Variants in PDE4D observed in about 807,000 individuals in gnomAD.
PDE4D encodes phosphodiesterase 4D.
A neutral mutation model predicts 87.4 loss-of-function variants in PDE4D; 24 were observed. The ratio of observed to expected loss-of-function variants is 0.27; its 90% CI spans 0.20 to 0.39. The LOEUF is 0.39. Among genes scored for constraint, PDE4D ranks in the 10% least tolerant of loss-of-function variants. The pLI, the probability that PDE4D is intolerant of heterozygous loss-of-function variation, is 1.00. For synonymous variants in PDE4D, 384 were observed against 383.2 expected, an observed-to-expected ratio of 1.00 and a Z score of -0.02; for missense variants, 714 against 1,041.0, an observed-to-expected ratio of 0.69 and a Z score of 4.32.
chr5:59,172,253 TAAATATATATTTATACAATTTATAAG>T (rs1285049262), intron 5 of PDE4D, among the ~76,000 whole-genome samples: 1 of 121,682 alleles, frequency 8.2e-6, no homozygotes, highest in Non-Finnish European at 1.6e-5. Context: ...TAATATATAA[TAAATATATATTTATACAATTTATAAG>T]AAATATATAT....
chr5:59,836,154 A>G (rs1206539766), intron 1 of PDE4D, among the ~76,000 whole-genome samples: 1 of 152,052 alleles, frequency 6.6e-6, no homozygotes, highest in Non-Finnish European at 1.5e-5. Flanking sequence ...GTATGTGTTC[A>G]TCATTGTCAT....
chr5:60,319,180 G>C (rs1051745082), intron 1 of PDE4D, among the ~76,000 whole-genome samples: 2 of 152,054 alleles, frequency 1.3e-5, no homozygotes, highest in African/African-American at 2.4e-5. Context: ...GGCTTTGTTT[G>C]TTTCTGTTTA....
intron 1 of PDE4D, among the ~76,000 whole-genome samples, chr5:59,809,059 T>C (rs1169418919): frequency 6.6e-6 from 1 of 152,168 alleles, no homozygotes; most frequent in African/African-American, 2.4e-5. Flanking sequence ...AATTTAAAAA[T>C]ATAATGTAAT....
intron 1 of PDE4D, among the ~76,000 whole-genome samples, chr5:59,225,834 T>TA (rs1205765094): frequency 1.4e-5 from 2 of 147,720 alleles, no homozygotes; most frequent in South Asian, 2.1e-4. Context: ...CCCTCAAAAT[T>TA]AAAAAAACCC....
chr5:59,212,388 G>A (rs1306143680), intron 2 of PDE4D, among the ~76,000 whole-genome samples: 1 of 152,020 alleles, frequency 6.6e-6, no homozygotes, highest in Non-Finnish European at 1.5e-5. Flanking sequence ...CTGCTCCAAT[G>A]TAAATATCCA....
Position 59,940,512 on chromosome 5 carries a change from G to A in PDE4D, c.272+47976C>T, listed in dbSNP as rs545690108. 3.9e-5 allele frequency among the ~76,000 whole-genome samples: 6 copies of A among 152,238 alleles called. No individual in the cohort carries two copies. In the South Asian group the frequency reaches 1.2e-3, roughly 32 times the overall value. On this transcript the variant is annotated intron_variant, in intron 3 of 16. Coordinates refer to the PDE4D transcript ENST00000502484. ...GGTTTGGTTTTCAATATGATGGGGT[G>A]GGGTGATAAGCAGGGAGCTGTTAGA...
chr5:59,797,260 T>C (rs1395927217), intron 1 of PDE4D: 2 of 152,212 alleles, frequency 1.3e-5, no homozygotes, highest in Non-Finnish European at 2.9e-5. Context: ...TTCTAGAAGT[T>C]AGATCAGCTG....
intron 5 of PDE4D, among the ~76,000 whole-genome samples, chr5:59,058,857 A>T (rs1316405436): frequency 6.6e-6 from 1 of 152,170 alleles, no homozygotes; most frequent in Non-Finnish European, 1.5e-5. Context: ...AAGAATCTCT[A>T]ATAATTACAT....
intron 1 of PDE4D, among the ~76,000 whole-genome samples, chr5:59,333,608 A>T (rs1777123535): frequency 6.6e-6 from 1 of 152,304 alleles, no homozygotes; most frequent in East Asian, 1.9e-4. Flanking sequence ...TCATTATCAG[A>T]GCAATTAAAA....
At chr5:59,855,984 C>T (rs988541730) in intron 1 of PDE4D, among the ~76,000 whole-genome samples, 4 of 152,146 alleles carry the variant, frequency 2.6e-5, no homozygotes, top group South Asian at 2.1e-4. Context: ...CATATTACAG[C>T]TTAGGACTAG....
intron 1 of PDE4D, among the ~76,000 whole-genome samples, chr5:59,266,776 T>C (rs1429682605): frequency 6.6e-6 from 1 of 152,036 alleles, no homozygotes. Context: ...TAGCAGCTTG[T>C]TGACTACTTT....
intron 1 of PDE4D, among the ~76,000 whole-genome samples, chr5:59,566,472 C>T (rs1425043377): frequency 6.6e-6 from 1 of 151,854 alleles, no homozygotes; most frequent in Non-Finnish European, 1.5e-5. Context: ...TAAAAAAACC[C>T]TTCACAGATT....
intron 2 of PDE4D, among the ~76,000 whole-genome samples, chr5:60,043,159 TCAATAGC>T (rs1356099012): frequency 6.6e-6 from 1 of 151,484 alleles, no homozygotes; most frequent in Non-Finnish European, 1.5e-5. Flanking sequence ...TACACAAGTA[TCAATAGC>T]CAAATTGATC....
intron 3 of PDE4D, among the ~76,000 whole-genome samples, chr5:59,955,726 G>A (rs1336493282): frequency 6.6e-6 from 1 of 152,058 alleles, no homozygotes; most frequent in Non-Finnish European, 1.5e-5. Context: ...CCTAAGGCAG[G>A]GTGCTTTTAT....
chr5:59,803,994 T>A (rs1767452318), intron 1 of PDE4D, among the ~76,000 whole-genome samples: 1 of 152,218 alleles, frequency 6.6e-6, no homozygotes, highest in Admixed American at 6.5e-5. Context: ...GGAATGACCA[T>A]GTCCCACTTT....
At chr5:60,030,476 A>C (rs2152859319) in intron 2 of PDE4D, among the ~76,000 whole-genome samples, 1 of 152,274 alleles carries the variant, frequency 6.6e-6, no homozygotes, top group Middle Eastern at 3.4e-3. Context: ...AAAAACAAAA[A>C]ACAAAAACAA....
chr5:59,860,429 A>AT (rs1746091600), intron 1 of PDE4D, among the ~76,000 whole-genome samples: 1 of 151,814 alleles, frequency 6.6e-6, no homozygotes, highest in Non-Finnish European at 1.5e-5. Flanking sequence ...CCACTAAGTG[A>AT]TTTTTTTCTA....
rs764578237 is a variant in PDE4D, at chr5:59,893,444, G to A, written c.179C>T (p.Pro60Leu). The A allele has an allele frequency of 6.6e-6, 10 of 1,514,904 alleles. No homozygotes were observed. In the South Asian group the frequency reaches 1.1e-4, roughly 17 times the overall value. 93.8% of individuals were successfully genotyped at this position (1,514,904 alleles called of 1,614,324 possible). ...CTGGGGCTGGGGCGAGGGTGGCGGC[G>A]GCGGGGGCAGGTGGTGATGGGGATG... ...LLHPHHHLPP[P>L]PPPSPQPQPQ... Residue 60 changes from proline (P) to leucine (L), a missense_variant, in exon 1 of 15, where the codon CCG becomes CTG. Pro to Leu is a moderately conservative substitution (Grantham distance 98). This residue lies in a region of PDE4D where 268 missense variants were observed against 272.9 expected (regional missense o/e 0.98). Coordinates refer to ENST00000340635, the MANE Select transcript of PDE4D (RefSeq NM_001104631.2).
At chr5:59,862,468 T>C (rs1746425536) in intron 1 of PDE4D, among the ~76,000 whole-genome samples, 1 of 152,176 alleles carries the variant, frequency 6.6e-6, no homozygotes, top group South Asian at 2.1e-4. Context: ...CACACAGGCA[T>C]GTGAAGGGCA....
Sources: allele counts gnomAD v4.1 joint callset (sites outside exome capture counted in the v4.1 genomes callset), GRCh38; gene constraint gnomAD v4.1.1; regional missense constraint gnomAD v4.1.1; transcripts MANE v1.5; gene names NCBI Gene and HGNC (gene_info 2026-07-23, HGNC 2026-07-21).